TIMM23B: variants seen among roughly 807,000 people sequenced by gnomAD.
TIMM23B encodes translocase of inner mitochondrial membrane 23 homolog B.
In TIMM23B, 27 loss-of-function variants were observed where a neutral mutation model predicts 27.3. That is an observed-to-expected ratio of 0.99 (90% CI 0.73 to 1.36). The LOEUF (loss-of-function observed/expected upper bound fraction) is 1.36, where lower values mean the gene tolerates loss of function less well. TIMM23B is among the 40% of genes most tolerant of loss of function. The probability of loss-of-function intolerance (pLI) is 0.00; values close to 1 mark genes in which losing one functional copy is unlikely to be tolerated. For synonymous variants in TIMM23B, 73 were observed against 92.4 expected (o/e 0.79, Z 1.21); for missense variants, 205 against 244.2 (o/e 0.84, Z 1.07).
intron 6 of TIMM23B, among the ~76,000 whole-genome samples, chr10:49,971,798 C>T (rs1255613388): frequency 1.6e-4 from 25 of 152,194 alleles, no homozygotes; most frequent in African/African-American, 6.0e-4. Flanking sequence ...CTATTTTTTA[C>T]CATTTGTAAA....
At chr10:49,966,824 C>A (rs527692819) in intron 6 of TIMM23B, among the ~76,000 whole-genome samples, 2 of 152,152 alleles carry the variant, frequency 1.3e-5, no homozygotes, top group South Asian at 4.1e-4. Context: ...AACTCTGTCT[C>A]AAAAAAATAA....
chr10:49,973,200 G>A lies in TIMM23B; in HGVS notation c.*136G>A, dbSNP rs1291444822. 3.5e-6 allele frequency: 2 copies of A among 575,438 alleles called. No homozygotes were observed. Among genetic ancestry groups the A allele is most frequent in the Non-Finnish European group, 3.1e-6 (1 of 323,654 alleles). The allele number at this position is 575,438 out of a possible 1,614,324, so 35.6% of individuals were successfully genotyped here. The stretch of plus-strand genomic sequence containing the variant: ...GACTTTTCCATGGAATGGACAAGTA[G>A]TAGTCTCTGTCAGAGCTACATTTTA... On this transcript the variant is annotated 3_prime_UTR_variant, in exon 7 of 7. Coordinates refer to ENST00000651259, the MANE Select transcript of TIMM23B (RefSeq NM_001290117.2).
chr10:49,946,764 G>A (rs76976134), intron 2 of TIMM23B, among the ~76,000 whole-genome samples: 2 of 149,200 alleles, frequency 1.3e-5, no homozygotes, highest in African/African-American at 2.5e-5. Flanking sequence ...TTAGTGCAGT[G>A]CCTGTCAAAA....
chr10:49,952,271 G>T, intron 3 of TIMM23B, 52 bp downstream of exon 3: 2 of 1,535,070 alleles, frequency 1.3e-6, no homozygotes, highest in African/African-American at 1.4e-5. Context: ...GTAGTTGAGG[G>T]TGCGTAAAAT....
intron 4 of TIMM23B, among the ~76,000 whole-genome samples, chr10:49,954,648 A>G (rs1441551882): frequency 6.6e-6 from 1 of 151,612 alleles, no homozygotes; most frequent in South Asian, 2.1e-4. Context: ...AAACCTCTGT[A>G]AGATACATTC....
chr10:49,954,279 A>G, intron 4 of TIMM23B: 1 of 436,988 alleles, frequency 2.3e-6, no homozygotes, highest in Non-Finnish European at 4.6e-6. Flanking sequence ...TGGGAGAAGA[A>G]TGTCTTCTCT....
intron 6 of TIMM23B, among the ~76,000 whole-genome samples, chr10:49,971,559 A>G (rs77972606): frequency 6.6e-6 from 1 of 152,010 alleles, no homozygotes. Context: ...ATTTTGCAAC[A>G]TTCTGAAGTA....
At chr10:49,946,768 G>A (rs1396185671) in intron 2 of TIMM23B, among the ~76,000 whole-genome samples, 1 of 149,654 alleles carries the variant, frequency 6.7e-6, no homozygotes, top group Non-Finnish European at 1.5e-5. Context: ...TGCAGTGCCT[G>A]TCAAAATCCC....
Position 49,952,186 on chromosome 10 carries a change from GC to G in TIMM23B, c.228del (p.Phe77SerfsTer9). 6.2e-7 allele frequency: 1 copy of G among 1,605,658 alleles called. No individual in the cohort carries two copies. The highest frequency in any genetic ancestry group is 1.1e-5 in the South Asian group (1 of 90,918). ...ANKTWGRFEL[A>X]FFTIGGCCMT... ...TAAAACCTGGGGCAGATTTGAGCTG[GC>G]CTTCTTTACGATTGGAGGGTGTTGC... On this transcript the variant is annotated frameshift_variant, in exon 3 of 7. Coordinates refer to ENST00000651259, the MANE Select transcript of TIMM23B (RefSeq NM_001290117.2). LOFTEE classifies it high-confidence loss of function.
chr10:49,946,346 G>A (rs1487942850), intron 2 of TIMM23B, among the ~76,000 whole-genome samples: 2 of 152,068 alleles, frequency 1.3e-5, no homozygotes, highest in South Asian at 4.2e-4. Flanking sequence ...TTTATATTCA[G>A]CATTGTCTGG....
At chr10:49,947,654 G>T (rs1165865138) in intron 2 of TIMM23B, among the ~76,000 whole-genome samples, 1 of 151,694 alleles carries the variant, frequency 6.6e-6, no homozygotes, top group African/African-American at 2.4e-5. Flanking sequence ...AAGTCCTGGC[G>T]CAGTGGCTCG....
intron 4 of TIMM23B, 72 bp from the exon 5 acceptor site, chr10:49,954,930 A>G: frequency 6.3e-7 from 1 of 1,588,416 alleles, no homozygotes; most frequent in South Asian, 1.1e-5. Context: ...TTAAATAGCC[A>G]TTATTGTTTT....
chr10:49,968,284 C>G (rs1589050888), intron 6 of TIMM23B, among the ~76,000 whole-genome samples: 1 of 152,232 alleles, frequency 6.6e-6, no homozygotes, highest in Non-Finnish European at 1.5e-5. Context: ...GTTTGAAATG[C>G]AACCTATTTT....
chr10:49,969,457 A>G (rs1840318307), intron 6 of TIMM23B, among the ~76,000 whole-genome samples: 1 of 147,254 alleles, frequency 6.8e-6, no homozygotes, highest in Non-Finnish European at 1.5e-5. Context: ...AAAAAAAAAA[A>G]GATAGATTCT....
chr10:49,963,961 G>T (rs766338874), intron 6 of TIMM23B, among the ~76,000 whole-genome samples: 12 of 151,866 alleles, frequency 7.9e-5, no homozygotes, highest in Non-Finnish European at 1.3e-4. Context: ...CAAGCCTCTG[G>T]CTCGAAATGA....
intron 4 of TIMM23B, among the ~76,000 whole-genome samples, chr10:49,952,810 A>G (rs1400624628): frequency 1.3e-5 from 2 of 148,616 alleles, no homozygotes; most frequent in Admixed American, 1.4e-4. Context: ...CTCCAACCCT[A>G]TGTGACTTGC....
At chr10:49,970,620 G>C (rs1370737955) in intron 6 of TIMM23B, among the ~76,000 whole-genome samples, 3 of 143,164 alleles carry the variant, frequency 2.1e-5, no homozygotes, top group Non-Finnish European at 4.7e-5. Flanking sequence ...CGGGAGGTGG[G>C]GGGGCAGCCC....
At chr10:49,961,607 T>G (rs1839912715) in intron 6 of TIMM23B, among the ~76,000 whole-genome samples, 2 of 91,182 alleles carry the variant, frequency 2.2e-5, no homozygotes, top group South Asian at 6.1e-4. Context: ...GTTTCCCTTG[T>G]TTTTTTTTTT....
At chr10:49,957,549 C>A (rs1839767763) in intron 5 of TIMM23B, among the ~76,000 whole-genome samples, 1 of 152,112 alleles carries the variant, frequency 6.6e-6, no homozygotes, top group South Asian at 2.1e-4. Flanking sequence ...TTGTGAGCCA[C>A]CACACCTGGC....
Sources: gnomAD v4.1 joint callset for allele counts (sites outside exome capture counted in the v4.1 genomes callset) on GRCh38, gnomAD v4.1.1 for gene constraint, MANE v1.5 for transcripts, NCBI Gene and HGNC (gene_info 2026-07-23, HGNC 2026-07-21) for gene names.